The following B4GALNT3 variants were observed in gnomAD, a reference collection of about 807,000 sequenced individuals.
B4GALNT3 encodes beta-1,4-N-acetyl-galactosaminyltransferase 3, also known as beta-1,4-N-acetylgalactosaminyltransferase 3.
In B4GALNT3, 86 loss-of-function variants were observed where a neutral mutation model predicts 120.2. The observed-to-expected ratio is 0.72, with a 90% CI of 0.60 to 0.86. The LOEUF is 0.86. Among genes scored for constraint, B4GALNT3 ranks in the 40% least tolerant of loss-of-function variants. The pLI is 0.00. For missense variants in B4GALNT3, 1,167 were observed against 1,298.9 expected (o/e 0.90, Z 1.56); for synonymous variants, 518 against 510.4 (o/e 1.01, Z -0.20).
chr12:552,681 C>T, intron 13 of B4GALNT3, 153 bp downstream of exon 13: 2 of 669,506 alleles, frequency 3.0e-6, no homozygotes, highest in South Asian at 4.1e-5. Context: ...GAGTGGAGAG[C>T]ATGACTCCTG....
chr12:496,090 C>T, intron 1 of B4GALNT3, among the ~76,000 whole-genome samples: 1 of 151,900 alleles, frequency 6.6e-6, no homozygotes, highest in East Asian at 1.9e-4. Context: ...CTAAATATGC[C>T]CATATATGTG....
At chr12:492,171 G>A (rs956054173) in intron 1 of B4GALNT3, among the ~76,000 whole-genome samples, 2 of 152,124 alleles carry the variant, frequency 1.3e-5, no homozygotes, top group Admixed American at 1.3e-4. Context: ...TATACAGGTT[G>A]AGAAGGAAGA....
At chr12:478,263 A>AAG (rs1946203124) in intron 1 of B4GALNT3, among the ~76,000 whole-genome samples, 1 of 107,546 alleles carries the variant, frequency 9.3e-6, no homozygotes, top group Non-Finnish European at 1.9e-5. Context: ...AAAAAAAAAA[A>AAG]AAAAAAAAAT....
At chr12:483,742 T>C (rs917666991) in intron 1 of B4GALNT3, among the ~76,000 whole-genome samples, 9 of 152,228 alleles carry the variant, frequency 5.9e-5, no homozygotes, top group African/African-American at 2.2e-4. Flanking sequence ...GCACATGTGA[T>C]CTCATTTAAT....
intron 1 of B4GALNT3, among the ~76,000 whole-genome samples, chr12:469,113 ACT>A (rs1329094376): frequency 2.6e-5 from 4 of 152,150 alleles, no homozygotes; most frequent in Non-Finnish European, 4.4e-5. Context: ...TTTGTGGCAG[ACT>A]CTGAGTGGAC....
chr12:482,216 C>A (rs1348254926), intron 1 of B4GALNT3, among the ~76,000 whole-genome samples: 1 of 152,206 alleles, frequency 6.6e-6, no homozygotes, highest in African/African-American at 2.4e-5. Context: ...AGGGCTGATA[C>A]TTTGGGACAC....
chr12:537,703 T>C (rs2060357775), intron 3 of B4GALNT3, among the ~76,000 whole-genome samples: 2 of 152,366 alleles, frequency 1.3e-5, no homozygotes, highest in South Asian at 4.1e-4. Flanking sequence ...TTGAGTTTCC[T>C]ATTTTACAAC....
chr12:538,341 G>A (rs1467104616), intron 3 of B4GALNT3, among the ~76,000 whole-genome samples: 3 of 152,004 alleles, frequency 2.0e-5, no homozygotes, highest in Non-Finnish European at 4.4e-5. Flanking sequence ...AGGATTGCTT[G>A]AGCCCAGGAG....
Position 549,910 on chromosome 12 carries a change from G to GAGGTA in B4GALNT3, c.997+2_997+6dup, listed in dbSNP as rs1489574354. On this transcript the variant is annotated frameshift_variant and splice_region_variant, in exon 10 of 20. Coordinates refer to ENST00000266383, the MANE Select transcript of B4GALNT3 (RefSeq NM_173593.4). LOFTEE classifies it high-confidence loss of function. ...CCTGACCCCCGGGACACCCTCTATC[G>GAGGTA]AGGTAAGGCCTCGGCCAGCGCTTGG... The GAGGTA allele has an allele frequency of 6.2e-7, 1 of 1,611,298 alleles. No homozygotes were observed. The highest frequency in any genetic ancestry group is 1.3e-5 in the African/African-American group (1 of 74,866).
At chr12:520,341 C>T (rs1291849958) in intron 1 of B4GALNT3, among the ~76,000 whole-genome samples, 1 of 152,200 alleles carries the variant, frequency 6.6e-6, no homozygotes, top group African/African-American at 2.4e-5. Context: ...AAACTGATAA[C>T]AGTGTCAAAC....
At chr12:475,180 C>A (rs1294957314) in intron 1 of B4GALNT3, among the ~76,000 whole-genome samples, 2 of 152,096 alleles carry the variant, frequency 1.3e-5, no homozygotes, top group Non-Finnish European at 2.9e-5. Context: ...GTTACACTTT[C>A]CCCAGAAGTT....
At chr12:512,991 TCCTTCCA>T (rs993481009) in intron 1 of B4GALNT3, among the ~76,000 whole-genome samples, 9 of 122,994 alleles carry the variant, frequency 7.3e-5, no homozygotes, top group Non-Finnish European at 1.1e-4. Flanking sequence ...CCTTCGATCT[TCCTTCCA>T]CCTTCCACCT....
intron 1 of B4GALNT3, among the ~76,000 whole-genome samples, chr12:500,734 G>A (rs1331316643): frequency 6.6e-6 from 1 of 152,110 alleles, no homozygotes; most frequent in African/African-American, 2.4e-5. Flanking sequence ...CCTGGCTACA[G>A]TGTGTCTCTA....
In B4GALNT3 at chr12:561,720, G is replaced by T; in HGVS notation, c.*269G>T. 1 of 439,006 alleles carries T rather than the reference G, an allele frequency of 2.3e-6. No homozygotes were observed. The highest frequency in any genetic ancestry group is 4.1e-6 in the Non-Finnish European group (1 of 241,736). The allele number at this position is 439,006 out of a possible 1,614,324, so 27.2% of individuals were successfully genotyped here. ...AGTCGAGAACGGGAAGAGCTCCTGAGAAGGACGGGTCAGGAAGGAGAGATC... is the reference window on the plus strand; with the variant it reads ...AGTCGAGAACGGGAAGAGCTCCTGATAAGGACGGGTCAGGAAGGAGAGATC... On this transcript the variant is annotated 3_prime_UTR_variant, in exon 20 of 20. Coordinates refer to ENST00000266383, the MANE Select transcript of B4GALNT3 (RefSeq NM_173593.4).
chr12:535,170 C>G lies in B4GALNT3; in HGVS notation c.174C>G (p.Tyr58Ter), dbSNP rs772614754. 1 of 1,612,010 alleles carries G rather than the reference C, an allele frequency of 6.2e-7. No homozygotes were observed. Among genetic ancestry groups the G allele is most frequent in the Non-Finnish European group, 8.5e-7 (1 of 1,178,848 alleles). Residue 58 changes from tyrosine (Y) to a stop codon, truncating the protein, a stop_gained, in exon 2 of 20, where the codon TAC (tyrosine) becomes TAG (stop). Transcript: ENST00000266383. LOFTEE classifies it high-confidence loss of function. ...TCCTCTCTTCCCCTTCCACAGGGTA[C>G]GGCAGCTGGAGAGAACTGGCCAAGG... ...QVGGNPLNRR[Y>*]GSWRELAKAL...
intron 1 of B4GALNT3, among the ~76,000 whole-genome samples, chr12:521,243 C>T (rs1226599349): frequency 6.6e-6 from 1 of 152,112 alleles, no homozygotes; most frequent in Non-Finnish European, 1.5e-5. Flanking sequence ...CACCCTCCAC[C>T]ACCACGGGAC....
At chr12:536,390 C>A in intron 3 of B4GALNT3, 95 bp downstream of exon 3, 1 of 991,190 alleles carries the variant, frequency 1.0e-6, no homozygotes, top group Non-Finnish European at 1.6e-6. Context: ...CTACTAGGGA[C>A]CTTCTACCGT....
At chr12:511,292 G>GCCCTTCC (rs1946548838) in intron 1 of B4GALNT3, among the ~76,000 whole-genome samples, 2 of 32,210 alleles carry the variant, frequency 6.2e-5, no homozygotes, top group Non-Finnish European at 1.0e-4. Flanking sequence ...TTCCACCTTC[G>GCCCTTCC]ACCTTCCACC....
intron 1 of B4GALNT3, among the ~76,000 whole-genome samples, chr12:466,229 G>A (rs961093951): frequency 6.6e-6 from 1 of 152,150 alleles, no homozygotes; most frequent in Non-Finnish European, 1.5e-5. Context: ...GGAGAGGCTG[G>A]TAAGTACGCT....
Sources: allele counts gnomAD v4.1 joint callset (sites outside exome capture counted in the v4.1 genomes callset), GRCh38; gene constraint gnomAD v4.1.1; transcripts MANE v1.5; gene names NCBI Gene and HGNC (gene_info 2026-07-23, HGNC 2026-07-21).